Variants in MYO3B observed in about 807,000 individuals in gnomAD.
MYO3B encodes the protein myosin IIIB, also known as myosin-IIIb.
A neutral mutation model predicts 174.6 loss-of-function variants in MYO3B; 156 were observed. The ratio of observed to expected loss-of-function variants is 0.89; its 90% CI spans 0.78 to 1.02. The LOEUF (loss-of-function observed/expected upper bound fraction) is 1.02, where lower values mean the gene tolerates loss of function less well. MYO3B is among the 50% of genes least tolerant of loss of function. The pLI, the probability that MYO3B is intolerant of heterozygous loss-of-function variation, is 0.00. For missense variants in MYO3B, 1,632 were observed against 1,639.4 expected, an observed-to-expected ratio of 1.00 and a Z score of 0.08; for synonymous variants, 563 against 569.1, an observed-to-expected ratio of 0.99 and a Z score of 0.15.
intron 6 of MYO3B, among the ~76,000 whole-genome samples, chr2:170,235,438 A>T (rs2093059571): frequency 6.6e-6 from 1 of 152,188 alleles, no homozygotes; most frequent in African/African-American, 2.4e-5. Context: ...TGTTTCTGTG[A>T]TGCATACCAT....
At chr2:170,511,226 AT>A (rs61583068) in intron 28 of MYO3B, among the ~76,000 whole-genome samples, 217 of 144,054 alleles carry the variant, frequency 1.5e-3, no homozygotes, top group East Asian at 4.1e-3. Flanking sequence ...CGCCCAGCTA[AT>A]TTTTTTTTTT....
chr2:170,272,866 C>A (rs530611664), intron 7 of MYO3B, among the ~76,000 whole-genome samples: 6 of 152,270 alleles, frequency 3.9e-5, no homozygotes, highest in African/African-American at 9.6e-5. Context: ...CAATCTTGTA[C>A]ATCTCATAAT....
At chr2:170,535,678 C>A (rs1253238653) in intron 30 of MYO3B, among the ~76,000 whole-genome samples, 1 of 152,174 alleles carries the variant, frequency 6.6e-6, no homozygotes, top group Non-Finnish European at 1.5e-5. Flanking sequence ...ATTGGGAACA[C>A]TGGGGGACCT....
intron 7 of MYO3B, among the ~76,000 whole-genome samples, chr2:170,282,975 G>C (rs1033427968): frequency 1.3e-5 from 2 of 152,134 alleles, no homozygotes; most frequent in African/African-American, 4.8e-5. Flanking sequence ...AATCCAAGTA[G>C]CATTTCACCA....
intron 32 of MYO3B, among the ~76,000 whole-genome samples, chr2:170,647,259 C>G (rs990374394): frequency 6.6e-6 from 1 of 152,154 alleles, no homozygotes; most frequent in Non-Finnish European, 1.5e-5. Context: ...TTAAAGAAGT[C>G]ACTTAACATC....
intron 7 of MYO3B, chr2:170,334,596 T>C (rs975495996): frequency 1.8e-4 from 28 of 152,288 alleles, no homozygotes; most frequent in African/African-American, 6.7e-4. Flanking sequence ...TTTCCATGTA[T>C]TGCTAGAAAA....
chr2:170,231,419 T>A (rs2093014765), intron 6 of MYO3B, among the ~76,000 whole-genome samples: 1 of 152,134 alleles, frequency 6.6e-6, no homozygotes, highest in African/African-American at 2.4e-5. Flanking sequence ...CATTTGGGAG[T>A]CTCAACCCAC....
chr2:170,448,018 C>T (rs1017859401), intron 23 of MYO3B, among the ~76,000 whole-genome samples: 1 of 152,156 alleles, frequency 6.6e-6, no homozygotes, highest in African/African-American at 2.4e-5. Flanking sequence ...TTAGGTCTTA[C>T]AATACTGATG....
intron 7 of MYO3B, among the ~76,000 whole-genome samples, chr2:170,286,091 A>G (rs552724836): frequency 6.6e-4 from 101 of 152,306 alleles, no homozygotes; most frequent in Non-Finnish European, 1.2e-3. Flanking sequence ...CACAATTTGA[A>G]TTATTGTGCT....
At chr2:170,522,753 A>G (rs1023443160) in intron 30 of MYO3B, among the ~76,000 whole-genome samples, 1 of 152,094 alleles carries the variant, frequency 6.6e-6, no homozygotes, top group Non-Finnish European at 1.5e-5. Context: ...CTCTCTGCCC[A>G]TTCCTTTCTG....
chr2:170,560,643 A>G (rs1691645172), intron 32 of MYO3B, among the ~76,000 whole-genome samples: 1 of 151,478 alleles, frequency 6.6e-6, no homozygotes, highest in Non-Finnish European at 1.5e-5. Context: ...GAGATCTACA[A>G]AGATCTTAGG....
intron 32 of MYO3B, among the ~76,000 whole-genome samples, chr2:170,553,473 T>A (rs1225293491): frequency 6.6e-6 from 1 of 152,238 alleles, no homozygotes; most frequent in Non-Finnish European, 1.5e-5. Flanking sequence ...AGCCACTTTA[T>A]TTTGTCCAAT....
chr2:170,411,617 G>C (rs1359813190), intron 22 of MYO3B: 1 of 152,200 alleles, frequency 6.6e-6, no homozygotes, highest in African/African-American at 2.4e-5. Flanking sequence ...TATCAAGGTT[G>C]AGAGGATCAA....
chr2:170,478,471 T>G (rs566958579), intron 25 of MYO3B, among the ~76,000 whole-genome samples: 1 of 151,466 alleles, frequency 6.6e-6, no homozygotes, highest in Admixed American at 6.6e-5. Flanking sequence ...GGTGAGATCC[T>G]GGGAATTTTC....
chr2:170,459,243 C>G (rs563067783), intron 23 of MYO3B, among the ~76,000 whole-genome samples: 36 of 152,342 alleles, frequency 2.4e-4, no homozygotes, highest in African/African-American at 8.7e-4. Flanking sequence ...CCTAATCTGA[C>G]CCTACCCACA....
chr2:170,306,839 A>C (rs2093703966), intron 7 of MYO3B, among the ~76,000 whole-genome samples: 1 of 152,186 alleles, frequency 6.6e-6, no homozygotes, highest in Non-Finnish European at 1.5e-5. Context: ...TAGTGCATAA[A>C]AATCATAGGT....
At chr2:170,575,155 A>G (rs10209222) in intron 32 of MYO3B, among the ~76,000 whole-genome samples, 6,176 of 152,288 alleles carry the variant, frequency 0.041, 411 homozygotes, top group African/African-American at 0.14. Context: ...GTTTTATTGT[A>G]TCTTAAATGA....
Position 170,491,705 on chromosome 2 carries a change from A to G in MYO3B, c.3015-6887A>G, listed in dbSNP as rs536238114. Among the ~76,000 whole-genome samples, 481 of 152,348 alleles carry G rather than the reference A, an allele frequency of 3.2e-3. 2 individuals are homozygous for G. Among genetic ancestry groups the G allele is most frequent in the Middle Eastern group, 0.02 (6 of 294 alleles). ...CTCCCAAAGTGCTGGGATTACAGGCATGAGCCACTGTGCCTGGCCATGTAT... is the reference window on the plus strand; with the variant it reads ...CTCCCAAAGTGCTGGGATTACAGGCGTGAGCCACTGTGCCTGGCCATGTAT... On this transcript the variant is annotated intron_variant, in intron 25 of 34. Coordinates refer to ENST00000408978, the MANE Select transcript of MYO3B (RefSeq NM_138995.5).
intron 32 of MYO3B, among the ~76,000 whole-genome samples, chr2:170,621,747 A>G (rs1204886511): frequency 6.6e-6 from 1 of 151,892 alleles, no homozygotes; most frequent in Non-Finnish European, 1.5e-5. Flanking sequence ...CCTGACCTCA[A>G]ATGATCCACC....
Sources: gnomAD v4.1 joint callset for allele counts (sites outside exome capture counted in the v4.1 genomes callset) on GRCh38, gnomAD v4.1.1 for gene constraint, MANE v1.5 for transcripts, NCBI Gene and HGNC (gene_info 2026-07-23, HGNC 2026-07-21) for gene names.